Variants in ECPAS observed in about 807,000 individuals in gnomAD.
The protein encoded by ECPAS is proteasome adapter and scaffold protein ECM29.
In ECPAS, 70 loss-of-function variants were observed where a neutral mutation model predicts 255.1. The observed-to-expected ratio is 0.27, with a 90% CI of 0.23 to 0.33. The LOEUF is 0.33. ECPAS is among the 10% of genes least tolerant of loss of function. ECPAS has a pLI of 1.00. For missense variants in ECPAS, 1,817 were observed against 2,206.4 expected, an observed-to-expected ratio of 0.82 and a Z score of 3.54; for synonymous variants, 784 against 775.0, an observed-to-expected ratio of 1.01 and a Z score of -0.19.
chr9:111,478,473 T>G lies in ECPAS; in HGVS notation c.-82-5473A>C, dbSNP rs567234284. 1.7e-3 allele frequency among the ~76,000 whole-genome samples: 265 copies of G among 152,080 alleles called. 2 individuals are homozygous for G. The highest frequency in any genetic ancestry group is 6.3e-3 in the African/African-American group (260 of 41,490). On this transcript the variant is annotated intron_variant, in intron 1 of 49. Coordinates refer to ENST00000684092, the MANE Select transcript of ECPAS (RefSeq NM_001364929.1). The stretch of plus-strand genomic sequence containing the variant: ...ACCCAGAAGGCAGAGGTTGCAGTGA[T>G]CTGAGATTGCACCACGGCACTCCAG...
intron 2 of ECPAS, 49 bp from the exon 3 acceptor site, chr9:111,451,604 C>G: frequency 6.7e-7 from 1 of 1,483,860 alleles, no homozygotes; most frequent in Non-Finnish European, 8.9e-7. Flanking sequence ...CCAAACACAA[C>G]CAAGACCAAT....
At chr9:111,451,353 C>G (rs1037541105) in intron 3 of ECPAS, 72 bp downstream of exon 3, 4 of 1,435,592 alleles carry the variant, frequency 2.8e-6, no homozygotes, top group Admixed American at 4.7e-5. Flanking sequence ...ATAATGGGAA[C>G]AGAAAACTCA....
intron 20 of ECPAS, among the ~76,000 whole-genome samples, chr9:111,413,084 A>C (rs1439392435): frequency 6.6e-6 from 1 of 152,226 alleles, no homozygotes; most frequent in Non-Finnish European, 1.5e-5. Context: ...CATGACTGTT[A>C]GAAGTGTACA....
chr9:111,458,065 T>C (rs1242383118), intron 2 of ECPAS, among the ~76,000 whole-genome samples: 3 of 152,192 alleles, frequency 2.0e-5, no homozygotes, highest in African/African-American at 7.2e-5. Context: ...CCTTTGCATA[T>C]ATTATGGGGA....
In ECPAS at chr9:111,362,110, C is replaced by T. The variant is rs1293199964; in HGVS notation, c.5440G>A (p.Ala1814Thr). 2 of 1,610,198 alleles carry T rather than the reference C, an allele frequency of 1.2e-6. No homozygotes were observed. Among genetic ancestry groups the T allele is most frequent in the South Asian group, 1.1e-5 (1 of 90,886 alleles). The change falls in exon 50 of 50, where the codon GCT becomes ACT. Residue 1814 changes from alanine (A) to threonine (T), a missense_variant. By Grantham distance (58) the Ala-to-Thr change is moderately conservative (BLOSUM62 0). Around this residue, in one of 4 missense-constraint regions of ECPAS, gnomAD observed 960 missense variants for 1,179.0 expected, o/e 0.81. Transcript: ENST00000684092. ...ECRVLLIESL[A>T]TMEPDSRPEL... ...GGTCTGCTGTCTGGCTCCATAGTAG[C>T]TAAAGACTCAATTAGGAGCACTCTG...
chr9:111,370,463 G>A lies in ECPAS; in HGVS notation c.4946C>T (p.Ser1649Phe). The A allele has an allele frequency of 1.9e-6, 3 of 1,605,020 alleles. No homozygotes were observed. Among genetic ancestry groups the A allele is most frequent in the Non-Finnish European group, 2.6e-6 (3 of 1,175,180 alleles). The change falls in exon 45 of 50, where the codon TCT becomes TTT. Residue 1649 changes from serine (S) to phenylalanine (F), a missense_variant. This residue lies in a region of ECPAS where 960 missense variants were observed against 1,179.0 expected (regional missense o/e 0.81). Transcript: ENST00000684092. ...ATKEDRFQEF[S>F]NIVIPLIKKN... is the part of the protein sequence containing the mutation. ...CTTGATGAGAGGTATGACAATGTTA[G>A]AGAACTCCTGGAATCTGTCCTCTTT...
intron 7 of ECPAS, among the ~76,000 whole-genome samples, chr9:111,434,585 CTTT>C (rs34507397): frequency 0.017 from 1,870 of 109,266 alleles, 19 homozygotes; most frequent in African/African-American, 0.061. Flanking sequence ...TTCCAGTTAA[CTTT>C]TTTTTTTTTT....
At chr9:111,441,880 T>C (rs139367668) in intron 5 of ECPAS, among the ~76,000 whole-genome samples, 63 of 152,336 alleles carry the variant, frequency 4.1e-4, no homozygotes, top group East Asian at 1.5e-3. Context: ...TAGAAACAAA[T>C]GATGTTATCT....
Position 111,410,203 on chromosome 9 carries a change from C to T in ECPAS, c.2388G>A (p.Leu796=). Residue 796 remains leucine (L), a synonymous_variant, in exon 23 of 50, where the codon TTG becomes TTA. Transcript: ENST00000684092. ...TTGCCAGGAGGGGTGATGTACTGTC[C>T]AAAAATGAGCCTGTAAGCACATTTA... is the stretch of plus-strand genomic sequence containing the variant. ...QSATETIGSF[L]DSTSPLLAIA... 6.2e-7 allele frequency: 1 copy of T among 1,608,044 alleles called. No individual in the cohort carries two copies. The highest frequency in any genetic ancestry group is 8.5e-7 in the Non-Finnish European group (1 of 1,178,112).
chr9:111,470,746 C>CACACACACA (rs2098286624), intron 2 of ECPAS, among the ~76,000 whole-genome samples: 1 of 124,494 alleles, frequency 8.0e-6, no homozygotes, highest in African/African-American at 3.2e-5. Flanking sequence ...TCTCCTCCCG[C>CACACACACA]CACACACACA....
intron 19 of ECPAS, 119 bp from the exon 20 acceptor site, chr9:111,414,105 A>G (rs1206995757): frequency 4.5e-6 from 2 of 442,338 alleles, no homozygotes; most frequent in Non-Finnish European, 7.4e-6. Context: ...GGTTCTATTA[A>G]AAAAAAAAAA....
intron 1 of ECPAS, among the ~76,000 whole-genome samples, chr9:111,477,101 C>A (rs1418560156): frequency 1.3e-5 from 2 of 151,686 alleles, no homozygotes; most frequent in Non-Finnish European, 2.9e-5. Context: ...CGCGCCTGGT[C>A]CTTTTTTCTT....
chr9:111,479,138 T>G (rs890610394), intron 1 of ECPAS, among the ~76,000 whole-genome samples: 3 of 152,196 alleles, frequency 2.0e-5, no homozygotes, highest in African/African-American at 4.8e-5. Flanking sequence ...AATAATAATG[T>G]TACCTACCTT....
chr9:111,483,385 C>T, intron 1 of ECPAS: 2 of 313,698 alleles, frequency 6.4e-6, no homozygotes, highest in Non-Finnish European at 9.2e-6. Flanking sequence ...GCTCCCCGTA[C>T]GCCGCGGCCG....
At chr9:111,416,725 GA>G (rs2098204153) in intron 17 of ECPAS, among the ~76,000 whole-genome samples, 1 of 152,184 alleles carries the variant, frequency 6.6e-6, no homozygotes, top group Non-Finnish European at 1.5e-5. Context: ...GTGGAAAACA[GA>G]ATCATGGCCG....
intron 3 of ECPAS, among the ~76,000 whole-genome samples, chr9:111,450,303 G>GTGACATAATCAAA (rs1362224380): frequency 6.6e-6 from 1 of 152,194 alleles, no homozygotes; most frequent in East Asian, 1.9e-4. Context: ...AAATAGAAGA[G>GTGACATAATCAAA]TGACATAATC....
At chr9:111,430,749 T>C in intron 8 of ECPAS, 121 bp from the exon 9 acceptor site, 1 of 687,376 alleles carries the variant, frequency 1.5e-6, no homozygotes, top group Non-Finnish European at 2.6e-6. Context: ...ACAAATGAAA[T>C]GGGCAATTGA....
intron 49 of ECPAS, among the ~76,000 whole-genome samples, 155 bp from the exon 50 acceptor site, chr9:111,362,324 T>C (rs2098114554): frequency 6.6e-6 from 1 of 152,150 alleles, no homozygotes; most frequent in Non-Finnish European, 1.5e-5. Flanking sequence ...CAGATCAGTA[T>C]ATAATTATCA....
At chr9:111,456,845 G>A (rs926543162) in intron 2 of ECPAS, among the ~76,000 whole-genome samples, 1 of 152,184 alleles carries the variant, frequency 6.6e-6, no homozygotes, top group African/African-American at 2.4e-5. Flanking sequence ...GAGTGGAGAG[G>A]GAAGAGGCAT....
Sources: gnomAD v4.1 joint callset for allele counts (sites outside exome capture counted in the v4.1 genomes callset) on GRCh38, gnomAD v4.1.1 for gene constraint, gnomAD v4.1.1 regional missense constraint, MANE v1.5 for transcripts, NCBI Gene and HGNC (gene_info 2026-07-23, HGNC 2026-07-21) for gene names.